Variants in MAST4 observed in about 807,000 individuals in gnomAD.
The protein encoded by MAST4 is microtubule-associated serine/threonine-protein kinase 4.
A neutral mutation model predicts 162.7 loss-of-function variants in MAST4; 89 were observed. That is an observed-to-expected ratio of 0.55 (90% CI 0.46 to 0.65). The LOEUF (loss-of-function observed/expected upper bound fraction) is 0.65, where lower values mean the gene tolerates loss of function less well. Ranked by LOEUF, MAST4 falls within the 30% of genes least tolerant of loss-of-function variation. The pLI is 0.00. For missense variants in MAST4, 3,153 were observed against 3,374.0 expected (o/e 0.93, Z 1.62); for synonymous variants, 1,479 against 1,361.1 (o/e 1.09, Z -1.91).
chr5:66,881,922 A>T (rs1446082193), intron 3 of MAST4, among the ~76,000 whole-genome samples: 1 of 152,212 alleles, frequency 6.6e-6, no homozygotes, highest in Non-Finnish European at 1.5e-5. Flanking sequence ...GGCAAGTTTT[A>T]TCAAGTTTTG....
At chr5:67,155,650 GA>G (rs1032717888) in intron 26 of MAST4, among the ~76,000 whole-genome samples, 1 of 152,114 alleles carries the variant, frequency 6.6e-6, no homozygotes, top group Non-Finnish European at 1.5e-5. Context: ...GGACACTGGG[GA>G]GCTTCAGTGT....
chr5:66,930,415 A>G (rs1353145464), intron 4 of MAST4, among the ~76,000 whole-genome samples: 1 of 152,140 alleles, frequency 6.6e-6, no homozygotes. Flanking sequence ...GTTCCCACAA[A>G]CTAAATGCAG....
intron 4 of MAST4, among the ~76,000 whole-genome samples, chr5:66,981,276 A>G (rs933303166): frequency 6.6e-6 from 1 of 152,188 alleles, no homozygotes; most frequent in Non-Finnish European, 1.5e-5. Context: ...GTTCTTATTT[A>G]TTGGAAATTA....
intron 1 of MAST4, among the ~76,000 whole-genome samples, chr5:66,651,196 A>G (rs187116209): frequency 6.6e-5 from 10 of 152,090 alleles, no homozygotes; most frequent in Admixed American, 3.9e-4. Flanking sequence ...TTTTTTGAAA[A>G]AAGTACGTCT....
intron 18 of MAST4, among the ~76,000 whole-genome samples, chr5:67,136,284 T>C (rs1367450960): frequency 6.6e-6 from 1 of 152,182 alleles, no homozygotes; most frequent in Non-Finnish European, 1.5e-5. Context: ...GAAAGAAAAA[T>C]ACATTTAAAA....
intron 1 of MAST4, among the ~76,000 whole-genome samples, chr5:66,661,671 C>T (rs1264759586): frequency 6.6e-6 from 1 of 152,114 alleles, no homozygotes; most frequent in Non-Finnish European, 1.5e-5. Flanking sequence ...TTTACCACAT[C>T]ACCTTTGGAG....
Position 67,167,426 on chromosome 5 carries a change from A to T in MAST4, c.*375A>T, listed in dbSNP as rs1366267906. 1 of 166,128 alleles carries T rather than the reference A, an allele frequency of 6.0e-6. No individual in the cohort carries two copies. The highest frequency in any genetic ancestry group is 1.3e-5 in the Non-Finnish European group (1 of 77,698). The allele number at this position is 166,128 out of a possible 1,614,324, so 10.3% of individuals were successfully genotyped here. On this transcript the variant is annotated 3_prime_UTR_variant, in exon 29 of 29. Coordinates refer to ENST00000403625, the MANE Select transcript of MAST4 (RefSeq NM_001164664.2). ...TTTACTACAGCTTTTTTTAAATAAG[A>T]TTTTTGCTTTACCATTTATCATAAT...
chr5:66,701,302 G>A (rs1749761006), intron 1 of MAST4, among the ~76,000 whole-genome samples: 1 of 152,140 alleles, frequency 6.6e-6, no homozygotes, highest in Non-Finnish European at 1.5e-5. Context: ...AATACATTTT[G>A]AGAGATTATG....
At chr5:66,767,598 G>A (rs1252577148) in intron 2 of MAST4, among the ~76,000 whole-genome samples, 1 of 151,706 alleles carries the variant, frequency 6.6e-6, no homozygotes, top group Non-Finnish European at 1.5e-5. Flanking sequence ...AGAACTAATA[G>A]GATATATATA....
At chr5:66,788,960 G>A (rs1430458655) in intron 3 of MAST4, among the ~76,000 whole-genome samples, 166 bp downstream of exon 3, 3 of 152,196 alleles carry the variant, frequency 2.0e-5, no homozygotes, top group Non-Finnish European at 4.4e-5. Flanking sequence ...TTCTGCACCT[G>A]TACCCAGTTT....
chr5:66,735,279 A>AGTATAAGGATGAG (rs1752091231), intron 1 of MAST4, among the ~76,000 whole-genome samples: 1 of 152,242 alleles, frequency 6.6e-6, no homozygotes, highest in Non-Finnish European at 1.5e-5. Flanking sequence ...AATTATACTC[A>AGTATAAGGATGAG]GTATAAGGAT....
chr5:66,970,454 G>C (rs1014384736), intron 4 of MAST4, among the ~76,000 whole-genome samples: 1 of 152,170 alleles, frequency 6.6e-6, no homozygotes, highest in African/African-American at 2.4e-5. Flanking sequence ...AGTCTTGTGA[G>C]GTCAGATGGC....
At chr5:67,136,508 G>A in intron 18 of MAST4, 55 bp from the exon 19 acceptor site, 1 of 1,324,172 alleles carries the variant, frequency 7.6e-7, no homozygotes, top group Non-Finnish European at 1.1e-6. Flanking sequence ...CATGTTGCTG[G>A]GACCTGGACC....
intron 7 of MAST4, among the ~76,000 whole-genome samples, chr5:67,098,862 G>A (rs1764724209): frequency 6.6e-6 from 1 of 152,060 alleles, no homozygotes; most frequent in South Asian, 2.1e-4. Context: ...CAACAGTGGG[G>A]CCAGCTGCTC....
intron 1 of MAST4, among the ~76,000 whole-genome samples, chr5:66,635,162 T>A (rs1745029998): frequency 6.6e-6 from 1 of 152,220 alleles, no homozygotes; most frequent in African/African-American, 2.4e-5. Flanking sequence ...TTATGTTGCC[T>A]ATCACAGGTC....
At chr5:67,073,125 A>G (rs550703887) in intron 5 of MAST4, among the ~76,000 whole-genome samples, 1 of 152,192 alleles carries the variant, frequency 6.6e-6, no homozygotes, top group Non-Finnish European at 1.5e-5. Context: ...CAGAATTAGT[A>G]TTAGTACCAG....
rs1177490520 is a variant in MAST4, at chr5:67,167,725, T to C, written c.*674T>C. Reference sequence around the variant, plus strand: ...GATCTAAAGCAAGAACTACTCTAAGTACTGCATTTGGAATCCTCCTCCATT... The same window carrying C: ...GATCTAAAGCAAGAACTACTCTAAGCACTGCATTTGGAATCCTCCTCCATT... On this transcript the variant is annotated 3_prime_UTR_variant, in exon 29 of 29. Transcript: ENST00000403625. The C allele has an allele frequency of 6.6e-6, 1 of 152,240 alleles. No homozygotes were observed. Among genetic ancestry groups the C allele is most frequent in the Non-Finnish European group, 1.5e-5 (1 of 68,046 alleles). The allele number at this position is 152,240 out of a possible 1,614,324, so 9.4% of individuals were successfully genotyped here. A position where few individuals can be genotyped will look rare whatever the true frequency, so the allele number is the denominator to read the frequency against.
At chr5:66,979,238 G>A (rs537879323) in intron 4 of MAST4, among the ~76,000 whole-genome samples, 11 of 152,196 alleles carry the variant, frequency 7.2e-5, no homozygotes, top group Admixed American at 1.3e-4. Context: ...GAGAATGTTC[G>A]GAACTTCATA....
intron 4 of MAST4, among the ~76,000 whole-genome samples, chr5:66,931,164 T>C (rs1580917686): frequency 6.6e-6 from 1 of 152,160 alleles, no homozygotes; most frequent in East Asian, 1.9e-4. Flanking sequence ...TATCTACTGC[T>C]TGGGGAACTG....
Sources: gnomAD v4.1 joint callset for allele counts (sites outside exome capture counted in the v4.1 genomes callset) on GRCh38, gnomAD v4.1.1 for gene constraint, MANE v1.5 for transcripts, NCBI Gene and HGNC (gene_info 2026-07-23, HGNC 2026-07-21) for gene names.